ANKFY1: variants seen among roughly 807,000 people sequenced by gnomAD.
The protein encoded by ANKFY1 is ankyrin repeat and FYVE domain-containing protein 1.
In ANKFY1, 47 loss-of-function variants were observed where a neutral mutation model predicts 128.3. The ratio of observed to expected loss-of-function variants is 0.37; its 90% confidence interval spans 0.29 to 0.47. The LOEUF (loss-of-function observed/expected upper bound fraction) is 0.47, where lower values mean the gene tolerates loss of function less well. ANKFY1 is among the 20% of genes least tolerant of loss of function. The pLI is 1.00. For missense variants in ANKFY1, 1,222 were observed against 1,510.6 expected (o/e 0.81, Z 3.17); for synonymous variants, 553 against 601.6 (o/e 0.92, Z 1.18).
At chr17:4,184,796 G>A in intron 12 of ANKFY1, 22 bp downstream of exon 12, 1 of 1,603,984 alleles carries the variant, frequency 6.2e-7, no homozygotes, top group Non-Finnish European at 8.5e-7. Context: ...CAAAAGGATG[G>A]ACAGTATTCC....
rs370530391 is a variant in ANKFY1, at chr17:4,217,686, A to AT, written c.323-569dup. On this transcript the variant is annotated intron_variant, in intron 3 of 24. Transcript: ENST00000341657. ...AAACATATGACAAAGAATTAACATT[A>AT]TTTTTTTTTTCTTTTTGAGACAGGG... Among the ~76,000 whole-genome samples, 939 of 150,298 alleles carry AT rather than the reference A, an allele frequency of 6.2e-3. 10 individuals are homozygous for AT. The highest frequency in any genetic ancestry group is 0.022 in the African/African-American group (897 of 41,016).
At chr17:4,246,681 C>T (rs1277260483) in intron 1 of ANKFY1, among the ~76,000 whole-genome samples, 2 of 152,222 alleles carry the variant, frequency 1.3e-5, no homozygotes, top group African/African-American at 4.8e-5. Flanking sequence ...AAATCTTTTG[C>T]TCCTCAAGAC....
intron 2 of ANKFY1, among the ~76,000 whole-genome samples, chr17:4,236,512 T>C (rs1966912769): frequency 1.3e-5 from 2 of 151,772 alleles, no homozygotes; most frequent in African/African-American, 4.8e-5. Context: ...TCCATAATTA[T>C]GACATGCCAT....
chr17:4,178,600 C>T lies in ANKFY1; in HGVS notation c.2598+257G>A. The T allele has an allele frequency of 1.9e-6, 1 of 538,922 alleles. No homozygotes were observed. 33.4% of individuals were successfully genotyped at this position (538,922 alleles called of 1,614,324 possible). The stretch of plus-strand genomic sequence containing the variant: ...AGAATGAGCTCAACTGTACATGCCA[C>T]AGAATTCCTACGATGGAGCCCACTG... On this transcript the variant is annotated intron_variant, in intron 18 of 24. Transcript: ENST00000341657. This position sits in a 1 kb window ranked among gnomAD's most constrained non-coding sequence, Gnocchi z 4.1.
chr17:4,208,518 A>G (rs1462984509), intron 5 of ANKFY1, among the ~76,000 whole-genome samples: 1 of 152,168 alleles, frequency 6.6e-6, no homozygotes, highest in Non-Finnish European at 1.5e-5. Flanking sequence ...CAACTTCCAC[A>G]AACAAGTCAC....
In ANKFY1 at chr17:4,189,400, G is replaced by T. The variant is rs1455594826; in HGVS notation, c.1452C>A (p.Val484=). ...CACTTACCCACTTGTTTCTGTGGTT[G>T]ACATGGGCACCGTTGGTTGCCAGGA... ...ALFLATNGAH[V]NHRNKWGETP... is the part of the protein sequence containing the mutation. Residue 484 remains valine (V), a synonymous_variant, in exon 11 of 25, where the codon GTC becomes GTA. Coordinates refer to ENST00000341657, the MANE Select transcript of ANKFY1 (RefSeq NM_001330063.2). 6.3e-7 allele frequency: 1 copy of T among 1,587,024 alleles called. No individual in the cohort carries two copies. The highest frequency in any genetic ancestry group is 1.7e-5 in the Admixed American group (1 of 57,678).
At chr17:4,225,572 A>T (rs1321026225) in intron 3 of ANKFY1, among the ~76,000 whole-genome samples, 1 of 152,156 alleles carries the variant, frequency 6.6e-6, no homozygotes, top group Non-Finnish European at 1.5e-5. Context: ...CAGTGGAACA[A>T]CCCATCCCAT....
chr17:4,195,291 T>G, intron 9 of ANKFY1, 112 bp downstream of exon 9: 1 of 1,380,286 alleles, frequency 7.2e-7, no homozygotes, highest in East Asian at 2.3e-5. Context: ...TTTTTTTAGC[T>G]CACTTTAACT....
At chr17:4,177,497 C>T (rs1439214808) in intron 18 of ANKFY1, among the ~76,000 whole-genome samples, 195 bp from the exon 19 acceptor site, 1 of 152,166 alleles carries the variant, frequency 6.6e-6, no homozygotes, top group Non-Finnish European at 1.5e-5. Context: ...CATCTGTGCA[C>T]AGAACCAGGT....
chr17:4,235,865 T>C lies in ANKFY1; in HGVS notation c.229A>G (p.Arg77Gly), dbSNP rs763997808. The C allele has an allele frequency of 1.4e-5, 23 of 1,613,956 alleles. No homozygotes were observed. The highest frequency in any genetic ancestry group is 1.8e-5 in the Non-Finnish European group (21 of 1,179,916). The change falls in exon 3 of 25, where the codon AGG becomes GGG. Residue 77 changes from arginine (R) to glycine (G), a missense_variant. Arg to Gly is a moderately radical substitution (Grantham distance 125). Transcript: ENST00000341657. ...ACAAACTTGTGAGCACTGATGTGCC[T>C]GTCCCCAACCTTTATCTTCAGATCG... ...YSDLKIKVGD[R>G]HISAHKFVLA...
chr17:4,210,921 A>T (rs2060118185), intron 4 of ANKFY1, among the ~76,000 whole-genome samples: 1 of 151,492 alleles, frequency 6.6e-6, no homozygotes, highest in Non-Finnish European at 1.5e-5. Context: ...AGTCCCAGCT[A>T]CTCAGGAGGC....
At chr17:4,201,728 T>C (rs769093642) in intron 7 of ANKFY1, among the ~76,000 whole-genome samples, 39 of 152,316 alleles carry the variant, frequency 2.6e-4, no homozygotes, top group Non-Finnish European at 4.3e-4. Flanking sequence ...GGTTGCAATC[T>C]TTCCCAGTAT....
In ANKFY1 at chr17:4,166,304, A is replaced by C. The variant is rs567602356; in HGVS notation, c.*1475T>G. ...TTGCAAAAATATTTAGTCCCTTTAC[A>C]CATATAGTCAAACTTCATTAATGCA... is the stretch of plus-strand genomic sequence containing the variant. On this transcript the variant is annotated 3_prime_UTR_variant, in exon 25 of 25. Transcript: ENST00000341657. 1 of 152,600 alleles carries C rather than the reference A, an allele frequency of 6.6e-6. No individual in the cohort carries two copies. The highest frequency in any genetic ancestry group is 2.4e-5 in the African/African-American group (1 of 41,586). 9.5% of individuals were successfully genotyped at this position (152,600 alleles called of 1,614,324 possible).
intron 3 of ANKFY1, among the ~76,000 whole-genome samples, chr17:4,218,795 T>C (rs2060262011): frequency 6.6e-6 from 1 of 152,062 alleles, no homozygotes; most frequent in South Asian, 2.1e-4. Context: ...GGAAGAGAAA[T>C]TGAGCCGGGA....
In ANKFY1 at chr17:4,242,380, G is replaced by C. The variant is rs753983667; in HGVS notation, c.79C>G (p.Leu27Val). The change falls in exon 2 of 25, where the codon CTG (leucine) becomes GTG (valine). Residue 27 changes from leucine to valine, a missense_variant. Physicochemically the swap from Leu to Val is conservative, Grantham distance 32. Coordinates refer to ENST00000341657, the MANE Select transcript of ANKFY1 (RefSeq NM_001330063.2). ...RQEYVKLQKK[L>V]AETEKRCALL... ...GCGCAGCGCTTCTCTGTCTCCGCCA[G>C]CTTCTTCTGCAGCTTGACATACTCC... The C allele has an allele frequency of 2.5e-6, 4 of 1,604,448 alleles. No individual in the cohort carries two copies. Among genetic ancestry groups the C allele is most frequent in the Non-Finnish European group, 3.4e-6 (4 of 1,176,150 alleles).
At position 4,181,053 on chromosome 17, in the gene ANKFY1, G is replaced by A. The variant is rs926262979; in HGVS notation, c.2240+201C>T. 1.3e-5 allele frequency: 7 copies of A among 547,432 alleles called. No individual in the cohort carries two copies. Among genetic ancestry groups the A allele is most frequent in the Non-Finnish European group, 2.3e-5 (7 of 302,918 alleles). The allele number at this position is 547,432 out of a possible 1,614,324, so 33.9% of individuals were successfully genotyped here. ...CCAGCTTTCAGATTCTTTGATTCAG[G>A]GCTGTGAGCTCCTCCCGTCACAAGT... On this transcript the variant is annotated intron_variant, in intron 16 of 24. Coordinates refer to ENST00000341657, the MANE Select transcript of ANKFY1 (RefSeq NM_001330063.2). The surrounding 1 kb of genome is among the most constrained non-coding windows in gnomAD (Gnocchi z 4.9).
intron 3 of ANKFY1, among the ~76,000 whole-genome samples, chr17:4,217,612 G>A (rs1461262188): frequency 1.3e-5 from 2 of 152,122 alleles, no homozygotes; most frequent in African/African-American, 4.8e-5. Context: ...CAGTGAGTGA[G>A]GAAATAAACC....
intron 14 of ANKFY1, among the ~76,000 whole-genome samples, chr17:4,183,134 G>T (rs1184541665): frequency 6.6e-6 from 1 of 152,120 alleles, no homozygotes; most frequent in Admixed American, 6.5e-5. Context: ...ATTTTAGATT[G>T]TTTTTTACAA....
At position 4,178,971 on chromosome 17, in the gene ANKFY1, G is replaced by T; in HGVS notation, c.2484C>A (p.Ile828=). ...IIQLLVSHPD[I]HLNVRDRQGL... is the part of the protein sequence containing the mutation. Reference sequence around the variant, plus strand: ...CTTGTCTGTCTCGTACATTCAAATGGATATCGGGGTGAGAAACCAACAGCT... The same window carrying T: ...CTTGTCTGTCTCGTACATTCAAATGTATATCGGGGTGAGAAACCAACAGCT... Residue 828 remains isoleucine, a synonymous_variant, in exon 18 of 25, where the codon ATC becomes ATA. Coordinates refer to ENST00000341657, the MANE Select transcript of ANKFY1 (RefSeq NM_001330063.2). This position sits in a 1 kb window ranked among gnomAD's most constrained non-coding sequence, Gnocchi z 4.1. 6.2e-7 allele frequency: 1 copy of T among 1,614,192 alleles called. No individual in the cohort carries two copies. Among genetic ancestry groups the T allele is most frequent in the Non-Finnish European group, 8.5e-7 (1 of 1,180,032 alleles).
Sources: allele counts gnomAD v4.1 joint callset (sites outside exome capture counted in the v4.1 genomes callset), GRCh38; gene constraint gnomAD v4.1.1; non-coding constraint Gnocchi (gnomAD v3.1); transcripts MANE v1.5; gene names NCBI Gene and HGNC (gene_info 2026-07-23, HGNC 2026-07-21).